The following SAE1 variants were observed in gnomAD, a reference collection of about 807,000 sequenced individuals.
SAE1 encodes the protein SUMO-activating enzyme subunit 1.
SAE1 carries 11 observed loss-of-function variants against 40.6 expected under a neutral mutation model. The observed-to-expected ratio is 0.27, with a 90% CI of 0.17 to 0.45. The LOEUF (loss-of-function observed/expected upper bound fraction) is 0.45. SAE1 is among the 20% of genes least tolerant of loss of function. The pLI, the probability that SAE1 is intolerant of heterozygous loss-of-function variation, is 1.00. For missense variants in SAE1, 373 were observed against 427.3 expected (o/e 0.87, Z 1.12); for synonymous variants, 155 against 154.3 (o/e 1.00, Z -0.03).
At chr19:47,137,796 T>C (rs1403289207) in intron 1 of SAE1, among the ~76,000 whole-genome samples, 1 of 150,860 alleles carries the variant, frequency 6.6e-6, no homozygotes, top group Non-Finnish European at 1.5e-5. Flanking sequence ...TGGCACAATC[T>C]TGGCTCACTG....
chr19:47,137,734 T>G (rs1334269173), intron 1 of SAE1, among the ~76,000 whole-genome samples: 3 of 149,846 alleles, frequency 2.0e-5, no homozygotes, highest in Non-Finnish European at 3.0e-5. Flanking sequence ...TGTGTTGTTT[T>G]TTTTTTTTTT....
At chr19:47,201,638 T>G (rs967457316) in intron 7 of SAE1, among the ~76,000 whole-genome samples, 4 of 148,860 alleles carry the variant, frequency 2.7e-5, no homozygotes, top group African/African-American at 7.5e-5. Context: ...ATGGGAGGAG[T>G]TTTTTTAATT....
chr19:47,147,180 G>A (rs1280670713), intron 2 of SAE1, among the ~76,000 whole-genome samples: 4 of 138,130 alleles, frequency 2.9e-5, no homozygotes, highest in Non-Finnish European at 6.2e-5. Flanking sequence ...GTGATGAAAT[G>A]ATAATTGTAT....
Position 47,203,602 on chromosome 19 carries a change from A to G in SAE1, c.879-69A>G, listed in dbSNP as rs564755606. On this transcript the variant is annotated intron_variant, in intron 7 of 8. Transcript: ENST00000270225. ...TTTATTCAGGAGAGCCTACTACTGA[A>G]TTTCTCCAGATGTCATGGTCACAGT... 7.5e-5 allele frequency: 107 copies of G among 1,433,908 alleles called. 1 individual carries two copies. In the South Asian group the frequency reaches 1.2e-3, roughly 16 times the overall value. 88.8% of individuals were successfully genotyped at this position (1,433,908 alleles called of 1,614,324 possible). A position where few individuals can be genotyped will look rare whatever the true frequency, so the allele number is the denominator to read the frequency against.
intron 6 of SAE1, 63 bp downstream of exon 6, chr19:47,169,986 T>A: frequency 8.1e-7 from 1 of 1,228,656 alleles, no homozygotes; most frequent in Non-Finnish European, 1.2e-6. Context: ...GCAAATGTGG[T>A]TGCAAGGTCC....
intron 5 of SAE1, 115 bp from the exon 6 acceptor site, chr19:47,169,703 T>C: frequency 2.7e-6 from 2 of 745,666 alleles, no homozygotes; most frequent in African/African-American, 1.7e-5. Context: ...CCTGCTTCTT[T>C]TAATGGTCAG....
At chr19:47,147,199 GTTTTTTTTTTTTTTT>G (rs397859917) in intron 2 of SAE1, among the ~76,000 whole-genome samples, 1 of 60,974 alleles carries the variant, frequency 1.6e-5, no homozygotes, top group East Asian at 5.4e-4. Flanking sequence ...ATGTGTATGG[GTTTTTTTTTTTTTTT>G]TTTTTTTTTT....
intron 6 of SAE1, among the ~76,000 whole-genome samples, chr19:47,190,885 C>CA (rs1488036004): frequency 2.2e-4 from 34 of 152,332 alleles, no homozygotes; most frequent in Non-Finnish European, 4.1e-4. Context: ...ATGCATTTGA[C>CA]AAAAACTTGA....
At chr19:47,204,167 C>T (rs2058671584) in intron 8 of SAE1, among the ~76,000 whole-genome samples, 1 of 149,720 alleles carries the variant, frequency 6.7e-6, no homozygotes, top group African/African-American at 2.5e-5. Flanking sequence ...CTATTCATCA[C>T]CATGACATCA....
chr19:47,180,532 T>C (rs1916662925), intron 6 of SAE1, among the ~76,000 whole-genome samples: 1 of 151,796 alleles, frequency 6.6e-6, no homozygotes, highest in Admixed American at 6.6e-5. Flanking sequence ...GATGTTTCCT[T>C]ATCAGATGCT....
chr19:47,199,277 C>T (rs1013525956), intron 7 of SAE1, among the ~76,000 whole-genome samples: 2 of 147,738 alleles, frequency 1.4e-5, no homozygotes, highest in African/African-American at 5.0e-5. Context: ...CCCAGCTACT[C>T]GGGAGGCTGA....
chr19:47,191,003 TAAG>T (rs1385904532), intron 6 of SAE1, among the ~76,000 whole-genome samples: 1 of 152,214 alleles, frequency 6.6e-6, no homozygotes, highest in Non-Finnish European at 1.5e-5. Context: ...CCATTAGGGT[TAAG>T]AAGCACAAAT....
intron 6 of SAE1, among the ~76,000 whole-genome samples, chr19:47,171,134 C>G (rs756096784): frequency 6.6e-6 from 1 of 151,252 alleles, no homozygotes; most frequent in African/African-American, 2.4e-5. Flanking sequence ...GCCACCACAC[C>G]CAGCTAATTT....
chr19:47,153,101 T>TA, intron 4 of SAE1, 61 bp downstream of exon 4: 1 of 1,344,864 alleles, frequency 7.4e-7, no homozygotes, highest in African/African-American at 1.5e-5. Flanking sequence ...TTTTTTTTTT[T>TA]AAATTATGTA....
In SAE1 at chr19:47,209,724, G is replaced by T. The variant is rs2058704077; in HGVS notation, c.*473G>T. The T allele has an allele frequency of 6.3e-6, 1 of 159,924 alleles. No homozygotes were observed. The highest frequency in any genetic ancestry group is 1.4e-5 in the Non-Finnish European group (1 of 73,356). 9.9% of individuals were successfully genotyped at this position (159,924 alleles called of 1,614,324 possible). A position where few individuals can be genotyped will look rare whatever the true frequency, so the allele number is the denominator to read the frequency against. On this transcript the variant is annotated 3_prime_UTR_variant, in exon 9 of 9. Transcript: ENST00000270225. ...GGTGGAGAGTAGGCCCAGGCCCCATGAGGCACCAGTGGAAGCACAGCTCCA... is the reference window on the plus strand; with the variant it reads ...GGTGGAGAGTAGGCCCAGGCCCCATTAGGCACCAGTGGAAGCACAGCTCCA...
At chr19:47,161,846 A>G (rs1251980759) in intron 5 of SAE1, among the ~76,000 whole-genome samples, 2 of 152,176 alleles carry the variant, frequency 1.3e-5, no homozygotes, top group Non-Finnish European at 2.9e-5. Context: ...TTATCTTCTT[A>G]AAAATTGGTT....
At chr19:47,134,808 C>G (rs2058168462) in intron 1 of SAE1, among the ~76,000 whole-genome samples, 4 of 151,776 alleles carry the variant, frequency 2.6e-5, no homozygotes. Flanking sequence ...TGGGAGATGA[C>G]CTAAGGGACA....
chr19:47,131,187 A>G, intron 1 of SAE1, 159 bp downstream of exon 1: 1 of 1,384,626 alleles, frequency 7.2e-7, no homozygotes, highest in Non-Finnish European at 9.3e-7. Flanking sequence ...GGAGGAGTTG[A>G]TTGGGGATGT....
chr19:47,160,002 T>G (rs544456942), intron 5 of SAE1, among the ~76,000 whole-genome samples: 16 of 152,252 alleles, frequency 1.1e-4, no homozygotes, highest in Non-Finnish European at 1.8e-4. Context: ...CCTGATTGTT[T>G]CCATTTTAAA....
Sources: gnomAD v4.1 joint callset for allele counts (sites outside exome capture counted in the v4.1 genomes callset) on GRCh38, gnomAD v4.1.1 for gene constraint, MANE v1.5 for transcripts, NCBI Gene and HGNC (gene_info 2026-07-23, HGNC 2026-07-21) for gene names.